The following GINM1 variants were observed in gnomAD, a reference collection of about 807,000 sequenced individuals.
GINM1 encodes the protein glycoprotein integral membrane protein 1.
In GINM1, 29 loss-of-function variants were observed where a neutral mutation model predicts 37.8. The observed-to-expected ratio is 0.77, with a 90% confidence interval of 0.57 to 1.05. GINM1 has a LOEUF of 1.05. Among genes scored for constraint, GINM1 ranks in the 50% least tolerant of loss-of-function variants. The pLI, the probability that GINM1 is intolerant of heterozygous loss-of-function variation, is 0.00. For synonymous variants in GINM1, 143 were observed against 146.2 expected, an observed-to-expected ratio of 0.98 and a Z score of 0.16; for missense variants, 377 against 397.9, an observed-to-expected ratio of 0.95 and a Z score of 0.45.
chr6:149,585,085 T>G (rs1234079858), intron 7 of GINM1, among the ~76,000 whole-genome samples: 1 of 152,206 alleles, frequency 6.6e-6, no homozygotes, highest in Non-Finnish European at 1.5e-5. Context: ...TTCTTTCCCC[T>G]TTGGCTGCCA....
chr6:149,574,509 T>C (rs535678930), intron 3 of GINM1, among the ~76,000 whole-genome samples: 10 of 152,332 alleles, frequency 6.6e-5, no homozygotes, highest in Non-Finnish European at 1.5e-5. Context: ...TTCTTCTAGG[T>C]TAGTTATTTT....
chr6:149,572,048 T>C (rs1777831866), intron 1 of GINM1, among the ~76,000 whole-genome samples: 1 of 151,704 alleles, frequency 6.6e-6, no homozygotes, highest in South Asian at 2.1e-4. Flanking sequence ...GGTACTGCAC[T>C]CCAGCCTGGC....
At chr6:149,570,136 TTATATATA>T (rs549791771) in intron 1 of GINM1, among the ~76,000 whole-genome samples, 154 of 45,694 alleles carry the variant, frequency 3.4e-3, no homozygotes, top group Non-Finnish European at 4.8e-3. Flanking sequence ...TAGGTAGGTT[TTATATATA>T]TATATATATA....
intron 7 of GINM1, among the ~76,000 whole-genome samples, chr6:149,588,795 T>TTCGTTGTTG (rs1554219905): frequency 9.3e-5 from 14 of 150,958 alleles, no homozygotes; most frequent in African/African-American, 3.2e-4. Context: ...GCCTGGCTAA[T>TTCGTTGTTG]TTGTTGTTGT....
chr6:149,585,685 C>T (rs1284384762), intron 7 of GINM1, among the ~76,000 whole-genome samples: 2 of 152,050 alleles, frequency 1.3e-5, no homozygotes, highest in Non-Finnish European at 2.9e-5. Context: ...CTCCACCTCC[C>T]GGGTTCATGC....
chr6:149,567,164 C>G (rs1425104180), intron 1 of GINM1, among the ~76,000 whole-genome samples: 2 of 152,154 alleles, frequency 1.3e-5, no homozygotes, highest in Non-Finnish European at 2.9e-5. Context: ...GCCCAGCAGT[C>G]CGGGTTGGAG....
Position 149,567,698 on chromosome 6 carries a change from C to G in GINM1, c.120+1164C>G, listed in dbSNP as rs571554867. 5.9e-5 allele frequency among the ~76,000 whole-genome samples: 9 copies of G among 152,224 alleles called. No homozygotes were observed. The South Asian group carries it at 8.3e-4, about 14-fold the overall frequency. On this transcript the variant is annotated intron_variant, in intron 1 of 7. Transcript: ENST00000367419. The stretch of plus-strand genomic sequence containing the variant: ...GTTTTAGGATAATGACATTACCCCA[C>G]GTGGGTACAAAAATGATGAGCATGT...
intron 7 of GINM1, among the ~76,000 whole-genome samples, chr6:149,585,632 G>A (rs769226235): frequency 7.3e-5 from 11 of 150,964 alleles, no homozygotes; most frequent in East Asian, 3.9e-4. Flanking sequence ...TCACTCTGTC[G>A]CCCAGGCTGA....
chr6:149,586,101 G>T (rs929271760), intron 7 of GINM1, among the ~76,000 whole-genome samples: 8 of 152,126 alleles, frequency 5.3e-5, no homozygotes, highest in African/African-American at 1.9e-4. Context: ...ACCTGGGCTG[G>T]TTACTTTATA....
intron 7 of GINM1, among the ~76,000 whole-genome samples, chr6:149,588,346 G>C (rs544097633): frequency 6.6e-6 from 1 of 152,112 alleles, no homozygotes; most frequent in Non-Finnish European, 1.5e-5. Context: ...ACTTGCTTAC[G>C]TAGAGCCTCT....
chr6:149,575,870 C>T (rs1054613030), intron 3 of GINM1, among the ~76,000 whole-genome samples: 1 of 152,178 alleles, frequency 6.6e-6, no homozygotes, highest in South Asian at 2.1e-4. Context: ...TCATCCCAGT[C>T]ATTGCACTGA....
At chr6:149,572,883 A>C (rs1777851266) in intron 3 of GINM1, among the ~76,000 whole-genome samples, 1 of 152,152 alleles carries the variant, frequency 6.6e-6, no homozygotes, top group African/African-American at 2.4e-5. Flanking sequence ...GCTGGTCTTG[A>C]TTGAACTCCT....
chr6:149,584,830 G>T (rs57431073), intron 7 of GINM1, among the ~76,000 whole-genome samples: 11,444 of 148,394 alleles, frequency 0.077, 479 homozygotes, highest in South Asian at 0.11. Flanking sequence ...TATATATAGA[G>T]AGAGAGAGAG....
At chr6:149,571,445 A>G (rs1777820834) in intron 1 of GINM1, among the ~76,000 whole-genome samples, 1 of 152,222 alleles carries the variant, frequency 6.6e-6, no homozygotes. Context: ...GATTACAGCT[A>G]TGTGCATCAA....
intron 3 of GINM1, among the ~76,000 whole-genome samples, chr6:149,573,220 G>A (rs918288297): frequency 7.2e-5 from 11 of 152,018 alleles, no homozygotes; most frequent in African/African-American, 2.7e-4. Flanking sequence ...CAGGAGAATC[G>A]TTTGAACCCA....
chr6:149,577,179 C>T lies in GINM1; in HGVS notation c.278-1643C>T, dbSNP rs901589635. ...GGAACATCCAAACTATATCAGGTAC[C>T]AAATTTGCAGGCTGAAGAATTGCCA... On this transcript the variant is annotated intron_variant, in intron 3 of 7. Coordinates refer to ENST00000367419, the MANE Select transcript of GINM1 (RefSeq NM_138785.5). Among the ~76,000 whole-genome samples the T allele has an allele frequency of 2.6e-5, 4 of 152,208 alleles. No homozygotes were observed. In the East Asian group the frequency reaches 5.8e-4, roughly 22 times the overall value.
chr6:149,572,351 C>T lies in GINM1; in HGVS notation c.180+7C>T, dbSNP rs1451926313. 6.3e-7 allele frequency: 1 copy of T among 1,575,370 alleles called. No homozygotes were observed. The highest frequency in any genetic ancestry group is 1.9e-5 in the Admixed American group (1 of 53,912). On this transcript the variant is annotated splice_region_variant and intron_variant, in intron 2 of 7. Transcript: ENST00000367419. Reference sequence around the variant, plus strand: ...GGACATATCTAAACAGCAGGTTTGTCTCCTTTTCTGGTTTTAATATATAAT... The same window carrying T: ...GGACATATCTAAACAGCAGGTTTGTTTCCTTTTCTGGTTTTAATATATAAT...
intron 7 of GINM1, among the ~76,000 whole-genome samples, chr6:149,588,989 G>A (rs1778113255): frequency 6.6e-6 from 1 of 152,104 alleles, no homozygotes. Context: ...ATTTTTAGTA[G>A]AGATGGGTTT....
rs1354496239 is a variant in GINM1, at chr6:149,566,388, G to A, written c.-27G>A. 3 of 1,501,464 alleles carry A rather than the reference G, an allele frequency of 2.0e-6. No homozygotes were observed. Among genetic ancestry groups the A allele is most frequent in the African/African-American group, 1.5e-5 (1 of 68,728 alleles). 93.0% of individuals were successfully genotyped at this position (1,501,464 alleles called of 1,614,324 possible). Reference sequence around the variant, plus strand: ...GGCTCCGCCCTCACCTCCCGGCCGCGGCTGCCCTCTGCCCGGGTTGTCCAA... The same window carrying A: ...GGCTCCGCCCTCACCTCCCGGCCGCAGCTGCCCTCTGCCCGGGTTGTCCAA... On this transcript the variant is annotated 5_prime_UTR_variant, in exon 1 of 8. Coordinates refer to ENST00000367419, the MANE Select transcript of GINM1 (RefSeq NM_138785.5). The surrounding 1 kb of genome is among the most constrained non-coding windows in gnomAD (Gnocchi z 4.4).
Sources: allele counts gnomAD v4.1 joint callset (sites outside exome capture counted in the v4.1 genomes callset), GRCh38; gene constraint gnomAD v4.1.1; non-coding constraint Gnocchi (gnomAD v3.1); transcripts MANE v1.5; gene names NCBI Gene and HGNC (gene_info 2026-07-23, HGNC 2026-07-21).